The following ME3 variants were observed in gnomAD, a reference collection of about 807,000 sequenced individuals.
ME3 encodes the protein NADP-dependent malic enzyme, mitochondrial.
ME3 carries 48 observed loss-of-function variants against 68.9 expected under a neutral mutation model. That is an observed-to-expected ratio of 0.70 (90% CI 0.55 to 0.89). ME3 has a LOEUF of 0.89. ME3 is among the 40% of genes least tolerant of loss of function. ME3 has a pLI of 0.00. For missense variants in ME3, 675 were observed against 797.4 expected, an observed-to-expected ratio of 0.85 and a Z score of 1.85; for synonymous variants, 320 against 318.8, an observed-to-expected ratio of 1.00 and a Z score of -0.04.
At chr11:86,549,881 T>C (rs1405814152) in intron 4 of ME3, among the ~76,000 whole-genome samples, 2 of 152,102 alleles carry the variant, frequency 1.3e-5, no homozygotes, top group Admixed American at 1.3e-4. Context: ...GAAGGTTGAG[T>C]TGGAGATGGA....
chr11:86,556,250 A>T (rs1012844217), intron 4 of ME3, among the ~76,000 whole-genome samples: 3 of 152,192 alleles, frequency 2.0e-5, no homozygotes, highest in Non-Finnish European at 2.9e-5. Flanking sequence ...GAGAGAAGTG[A>T]CAGGTAGATA....
chr11:86,530,980 A>T (rs964228856), intron 4 of ME3, among the ~76,000 whole-genome samples: 3 of 152,156 alleles, frequency 2.0e-5, no homozygotes, highest in African/African-American at 7.2e-5. Flanking sequence ...ATGGCAACAA[A>T]AGCCAAAATT....
At chr11:86,548,671 G>T (rs1956499006) in intron 4 of ME3, among the ~76,000 whole-genome samples, 1 of 152,192 alleles carries the variant, frequency 6.6e-6, no homozygotes, top group South Asian at 2.1e-4. Flanking sequence ...TAGCCACAGT[G>T]CTCTAATCTG....
intron 4 of ME3, among the ~76,000 whole-genome samples, chr11:86,547,388 C>A (rs905354081): frequency 3.3e-5 from 5 of 151,382 alleles, no homozygotes; most frequent in Non-Finnish European, 5.9e-5. Context: ...GAACAGAAAA[C>A]CAAACACTGC....
At chr11:86,560,088 T>C (rs1957133774) in intron 2 of ME3, among the ~76,000 whole-genome samples, 1 of 152,198 alleles carries the variant, frequency 6.6e-6, no homozygotes, top group African/African-American at 2.4e-5. Flanking sequence ...ATATATGTTT[T>C]ATTTTATTTT....
At chr11:86,644,058 A>T (rs539644957) in intron 2 of ME3, among the ~76,000 whole-genome samples, 55 of 152,304 alleles carry the variant, frequency 3.6e-4, no homozygotes, top group African/African-American at 1.3e-3. Context: ...GAAGCATGGG[A>T]AGTAATTGCA....
chr11:86,611,659 G>A (rs924268408), intron 2 of ME3, among the ~76,000 whole-genome samples: 1 of 151,772 alleles, frequency 6.6e-6, no homozygotes, highest in Non-Finnish European at 1.5e-5. Flanking sequence ...TCAAAGGAGG[G>A]CTTTTCCTTA....
intron 2 of ME3, among the ~76,000 whole-genome samples, chr11:86,631,461 A>G (rs1273415278): frequency 6.6e-6 from 1 of 152,172 alleles, no homozygotes; most frequent in Non-Finnish European, 1.5e-5. Flanking sequence ...CCAAACTCAT[A>G]AGAAAACCGT....
rs1270410111 is a variant in ME3, at chr11:86,450,414, C to G, written c.920-16G>C. ...GAGGCTGTGCCTGAAACAGAGTGGC[C>G]TGAGATCAACCTCTGGCCACAGGCC... On this transcript the variant is annotated splice_polypyrimidine_tract_variant and intron_variant, in intron 8 of 14. Coordinates refer to ENST00000543262, the Ensembl canonical transcript of ME3. 1 of 1,610,204 alleles carries G rather than the reference C, an allele frequency of 6.2e-7. No individual in the cohort carries two copies. The highest frequency in any genetic ancestry group is 8.5e-7 in the Non-Finnish European group (1 of 1,177,056).
intron 2 of ME3, among the ~76,000 whole-genome samples, chr11:86,635,181 C>A (rs55642252): frequency 0.087 from 13,309 of 152,242 alleles, 626 homozygotes; most frequent in Non-Finnish European, 0.11. Flanking sequence ...GTCACAGCTA[C>A]TCAGGAGGCT....
chr11:86,567,632 G>A lies in ME3; in HGVS notation c.184-7809C>T, dbSNP rs377003290. Among the ~76,000 whole-genome samples, 73 of 152,278 alleles carry A rather than the reference G, an allele frequency of 4.8e-4. 2 individuals are homozygous for A. The South Asian group carries it at 0.014, about 30-fold the overall frequency. On this transcript the variant is annotated intron_variant, in intron 2 of 14. Transcript: ENST00000543262. ...GAAATGTTTTTCTTGGCTGACTGCC[G>A]CCACCTTCTTTTGTATTTGAGGAAA...
chr11:86,513,894 T>TAACTA (rs1953711233), intron 4 of ME3, among the ~76,000 whole-genome samples: 1 of 152,176 alleles, frequency 6.6e-6, no homozygotes, highest in African/African-American at 2.4e-5. Flanking sequence ...TCTCCAGCAG[T>TAACTA]AACTAGTGAT....
intron 4 of ME3, among the ~76,000 whole-genome samples, chr11:86,549,123 C>T (rs894756791): frequency 2.6e-5 from 4 of 152,212 alleles, no homozygotes; most frequent in African/African-American, 9.6e-5. Flanking sequence ...TTCATCCAAC[C>T]TATTCACAAG....
At chr11:86,657,760 C>T (rs186256130) in intron 2 of ME3, among the ~76,000 whole-genome samples, 54 of 152,170 alleles carry the variant, frequency 3.5e-4, no homozygotes, top group African/African-American at 1.2e-3. Flanking sequence ...TAATGTTGTT[C>T]GTTCACTTAT....
intron 2 of ME3, among the ~76,000 whole-genome samples, chr11:86,665,461 T>TG (rs2135510313): frequency 6.6e-6 from 1 of 151,894 alleles, no homozygotes; most frequent in East Asian, 1.9e-4. Context: ...AAAGTCTGGG[T>TG]AGGAGCACAA....
At chr11:86,631,032 C>T (rs905752325) in intron 2 of ME3, among the ~76,000 whole-genome samples, 6 of 152,146 alleles carry the variant, frequency 3.9e-5, no homozygotes, top group African/African-American at 7.2e-5. Flanking sequence ...GAGGACCAAC[C>T]GAGTCACAGA....
At chr11:86,643,438 C>G (rs1425051609) in intron 2 of ME3, among the ~76,000 whole-genome samples, 1 of 152,110 alleles carries the variant, frequency 6.6e-6, no homozygotes, top group East Asian at 1.9e-4. Context: ...CATCTTTCCC[C>G]CATCTTCTCT....
At chr11:86,454,370 A>T (rs1007596005) in intron 8 of ME3, among the ~76,000 whole-genome samples, 1 of 152,256 alleles carries the variant, frequency 6.6e-6, no homozygotes, top group African/African-American at 2.4e-5. Context: ...AGTGTTATTT[A>T]TAATACAGAA....
At chr11:86,497,752 G>A (rs1305929974) in intron 6 of ME3, among the ~76,000 whole-genome samples, 1 of 152,132 alleles carries the variant, frequency 6.6e-6, no homozygotes, top group Admixed American at 6.5e-5. Context: ...GCCCAGGAGT[G>A]GGAGAGGGAA....
Sources: allele counts gnomAD v4.1 joint callset (sites outside exome capture counted in the v4.1 genomes callset), GRCh38; gene constraint gnomAD v4.1.1; transcripts MANE v1.5; gene names NCBI Gene and HGNC (gene_info 2026-07-23, HGNC 2026-07-21).